GXYLT1: variants seen among roughly 807,000 people sequenced by gnomAD.
GXYLT1 encodes glucoside xylosyltransferase 1, also known as glycosyltransferase 8 domain containing 3.
GXYLT1 carries 29 observed loss-of-function variants against 54.0 expected under a neutral mutation model. The observed-to-expected ratio is 0.54, with a 90% CI of 0.40 to 0.73. GXYLT1 has a LOEUF of 0.73. Ranked by LOEUF, GXYLT1 falls within the 30% of genes least tolerant of loss-of-function variation. The probability of loss-of-function intolerance (pLI) is 0.00; values close to 1 mark genes in which losing one functional copy is unlikely to be tolerated. For synonymous variants in GXYLT1, 176 were observed against 204.1 expected (o/e 0.86, Z 1.17); for missense variants, 490 against 553.4 (o/e 0.89, Z 1.15).
intron 1 of GXYLT1, among the ~76,000 whole-genome samples, chr12:42,141,694 T>A (rs1479701577): frequency 6.6e-6 from 1 of 152,180 alleles, no homozygotes; most frequent in Admixed American, 6.6e-5. Flanking sequence ...GCTAAAAAAA[T>A]TTAAGTATTA....
chr12:42,083,721 T>C lies in GXYLT1; in HGVS notation c.*4065A>G, dbSNP rs1165373626. 2.6e-5 allele frequency: 4 copies of C among 152,380 alleles called. No individual in the cohort carries two copies. The highest frequency in any genetic ancestry group is 4.4e-5 in the Non-Finnish European group (3 of 68,038). The allele number at this position is 152,380 out of a possible 1,614,324, so 9.4% of individuals were successfully genotyped here. On this transcript the variant is annotated 3_prime_UTR_variant, in exon 8 of 8. Transcript: ENST00000398675. ...CCAACTGAGGAATAAATAGGTGTAA[T>C]TTATTGCTTAATTTGCCATCCAAGG...
At chr12:42,142,270 C>T (rs940104059) in intron 1 of GXYLT1, among the ~76,000 whole-genome samples, 2 of 151,956 alleles carry the variant, frequency 1.3e-5, no homozygotes, top group Non-Finnish European at 2.9e-5. Context: ...TGGATCTTGG[C>T]CAAATGATTT....
chr12:42,119,299 G>A (rs548988692), intron 2 of GXYLT1, 128 bp from the exon 3 acceptor site: 25 of 706,484 alleles, frequency 3.5e-5, no homozygotes, highest in East Asian at 1.0e-4. Flanking sequence ...CCAGCTACAC[G>A]GGAAGCTAAG....
chr12:42,098,273 G>A (rs1044246808), intron 5 of GXYLT1, among the ~76,000 whole-genome samples: 1 of 152,166 alleles, frequency 6.6e-6, no homozygotes, highest in Non-Finnish European at 1.5e-5. Context: ...GAAAGAAAGC[G>A]AAAGTAACTG....
chr12:42,088,177 G>C (rs753664440), intron 7 of GXYLT1, among the ~76,000 whole-genome samples: 1 of 151,802 alleles, frequency 6.6e-6, no homozygotes, highest in Admixed American at 6.6e-5. Context: ...GAGAACATGC[G>C]CAAGGGCAGA....
rs1011059954 is a variant in GXYLT1 at position 42,144,454 on chromosome 12, G to A, written c.193C>T (p.Pro65Ser). The A allele has an allele frequency of 5.3e-5, 70 of 1,311,686 alleles. No homozygotes were observed. Among genetic ancestry groups the A allele is most frequent in the Admixed American group, 8.3e-5 (2 of 24,120 alleles). 81.3% of individuals were successfully genotyped at this position (1,311,686 alleles called of 1,614,324 possible). A position where few individuals can be genotyped will look rare whatever the true frequency, so the allele number is the denominator to read the frequency against. ...GAVRGAGVAG[P>S]AAHPGVSDRC... ...TCCGACACGCCGGGATGCGCTGCGG[G>A]GCCCGCGACGCCGGCGCCTCTCACG... The change falls in exon 1 of 8, where the codon CCC becomes TCC. Residue 65 changes from proline to serine, a missense_variant. By Grantham distance (74) the Pro-to-Ser change is moderately conservative. Transcript: ENST00000398675.
intron 3 of GXYLT1, among the ~76,000 whole-genome samples, chr12:42,115,814 G>T (rs953701727): frequency 6.7e-6 from 1 of 150,344 alleles, no homozygotes; most frequent in African/African-American, 2.4e-5. Flanking sequence ...AAGAGCCTGC[G>T]TCGCCAAGTC....
Position 42,097,578 on chromosome 12 carries a change from C to A in GXYLT1, c.1025G>T (p.Arg342Leu). ...LFVFPCQWNY[R>L]PDHCIYGSNC... Reference sequence around the variant, plus strand: ...GCTTCCATATATACAATGATCTGGTCGATAATTCCATTGACACGGAAAAAC... The same window carrying A: ...GCTTCCATATATACAATGATCTGGTAGATAATTCCATTGACACGGAAAAAC... The change falls in exon 7 of 8, where the codon CGA becomes CTA. Residue 342 changes from arginine to leucine, a missense_variant. Transcript: ENST00000398675. 6.2e-7 allele frequency: 1 copy of A among 1,606,806 alleles called. No homozygotes were observed. Among genetic ancestry groups the A allele is most frequent in the Non-Finnish European group, 8.5e-7 (1 of 1,178,132 alleles).
chr12:42,110,652 T>C (rs751550890), intron 3 of GXYLT1, among the ~76,000 whole-genome samples: 1 of 152,146 alleles, frequency 6.6e-6, no homozygotes, highest in Non-Finnish European at 1.5e-5. Flanking sequence ...CAGGCTTGGG[T>C]GATCCTCCCA....
chr12:42,127,724 A>G (rs923954873), intron 2 of GXYLT1, among the ~76,000 whole-genome samples: 2 of 152,252 alleles, frequency 1.3e-5, no homozygotes, highest in African/African-American at 4.8e-5. Flanking sequence ...GCTTCAAGCT[A>G]GTGGAATTAT....
intron 2 of GXYLT1, 29 bp from the exon 3 acceptor site, chr12:42,119,200 A>T: frequency 1.3e-6 from 2 of 1,496,242 alleles, no homozygotes; most frequent in East Asian, 4.8e-5. Context: ...ACATTTTTCA[A>T]CAGTTTTAGT....
chr12:42,103,774 G>GT (rs544627976), intron 5 of GXYLT1, among the ~76,000 whole-genome samples: 66 of 151,278 alleles, frequency 4.4e-4, no homozygotes, highest in African/African-American at 1.4e-3. Flanking sequence ...ATCATCTTGT[G>GT]TTTTTTTTCA....
chr12:42,126,357 G>A lies in GXYLT1; in HGVS notation c.314+3402C>T, dbSNP rs548163816. On this transcript the variant is annotated intron_variant, in intron 2 of 7. Transcript: ENST00000398675. Reference sequence around the variant, plus strand: ...CCTAAAGTGCTGGGATTACAGGCGTGAGCCACACCCCTCCAGCCAGTAGGG... The same window carrying A: ...CCTAAAGTGCTGGGATTACAGGCGTAAGCCACACCCCTCCAGCCAGTAGGG... Among the ~76,000 whole-genome samples the A allele has an allele frequency of 9.2e-5, 14 of 152,234 alleles. No homozygotes were observed. In the East Asian group the frequency reaches 2.5e-3, roughly 27 times the overall value.
intron 3 of GXYLT1, among the ~76,000 whole-genome samples, chr12:42,115,738 T>A (rs1160794054): frequency 1.3e-5 from 2 of 151,908 alleles, no homozygotes; most frequent in Non-Finnish European, 2.9e-5. Context: ...GCCATCCCCA[T>A]CAAGCTACCA....
At chr12:42,140,633 A>T (rs1484285097) in intron 1 of GXYLT1, among the ~76,000 whole-genome samples, 2 of 152,204 alleles carry the variant, frequency 1.3e-5, no homozygotes, top group Non-Finnish European at 2.9e-5. Flanking sequence ...TTAAGTTCTC[A>T]GTATATAACA....
At chr12:42,108,774 A>G (rs943980681) in intron 4 of GXYLT1, among the ~76,000 whole-genome samples, 3 of 152,226 alleles carry the variant, frequency 2.0e-5, no homozygotes, top group Non-Finnish European at 4.4e-5. Flanking sequence ...ACTTAGCAAT[A>G]AGAAGTAACT....
At chr12:42,099,769 G>A (rs1223309811) in intron 5 of GXYLT1, among the ~76,000 whole-genome samples, 1 of 152,192 alleles carries the variant, frequency 6.6e-6, no homozygotes, top group African/African-American at 2.4e-5. Flanking sequence ...AGGATCACTT[G>A]AGCCTGGGAG....
At chr12:42,110,571 G>C (rs530578147) in intron 3 of GXYLT1, among the ~76,000 whole-genome samples, 10 of 152,216 alleles carry the variant, frequency 6.6e-5, no homozygotes, top group Admixed American at 6.5e-4. Flanking sequence ...TTGAGACAAG[G>C]TCTCACTCTG....
intron 7 of GXYLT1, among the ~76,000 whole-genome samples, chr12:42,095,331 T>C (rs1365465201): frequency 6.6e-6 from 1 of 152,170 alleles, no homozygotes; most frequent in Non-Finnish European, 1.5e-5. Flanking sequence ...AACTGTACAT[T>C]GCTGCATTAT....
Sources: allele counts gnomAD v4.1 joint callset (sites outside exome capture counted in the v4.1 genomes callset), GRCh38; gene constraint gnomAD v4.1.1; transcripts MANE v1.5; gene names NCBI Gene and HGNC (gene_info 2026-07-23, HGNC 2026-07-21).